Variants in TMEM266 observed in about 807,000 individuals in gnomAD.
TMEM266 encodes the protein Hv1 related protein 1.
A neutral mutation model predicts 50.5 loss-of-function variants in TMEM266; 33 were observed. That is an observed-to-expected ratio of 0.65 (90% CI 0.50 to 0.87). The LOEUF (loss-of-function observed/expected upper bound fraction) is 0.87, where lower values mean the gene tolerates loss of function less well. Among genes scored for constraint, TMEM266 ranks in the 40% least tolerant of loss-of-function variants. The pLI is 0.00. For missense variants in TMEM266, 655 were observed against 695.1 expected, an observed-to-expected ratio of 0.94 and a Z score of 0.65; for synonymous variants, 310 against 292.3, an observed-to-expected ratio of 1.06 and a Z score of -0.62.
chr15:76,155,262 C>A (rs1372788629), intron 3 of TMEM266, among the ~76,000 whole-genome samples: 1 of 152,196 alleles, frequency 6.6e-6, no homozygotes, highest in Non-Finnish European at 1.5e-5. Context: ...GGGAGGCAGG[C>A]AGGTCCTGTT....
chr15:76,142,821 A>C (rs1051700603), intron 3 of TMEM266, among the ~76,000 whole-genome samples: 3 of 151,788 alleles, frequency 2.0e-5, no homozygotes, highest in East Asian at 3.9e-4. Context: ...TCCTCTCTTC[A>C]CCTCTGCACT....
intron 4 of TMEM266, among the ~76,000 whole-genome samples, chr15:76,157,520 T>G (rs1333690074): frequency 6.6e-6 from 1 of 152,218 alleles, no homozygotes; most frequent in Non-Finnish European, 1.5e-5. Context: ...CATGGCTGTC[T>G]GAGTGGAGAA....
chr15:76,174,846 C>T (rs11854285), intron 7 of TMEM266: 19,890 of 152,224 alleles, frequency 0.13, 1,686 homozygotes, highest in African/African-American at 0.24. Context: ...TGGCTGGTGG[C>T]GGGACTGCAC....
At chr15:76,090,645 T>C (rs2036836255) in intron 1 of TMEM266, among the ~76,000 whole-genome samples, 1 of 152,136 alleles carries the variant, frequency 6.6e-6, no homozygotes, top group Non-Finnish European at 1.5e-5. Context: ...TTATCAACAG[T>C]GTCAAATTCT....
chr15:76,106,283 C>T (rs189124116), intron 1 of TMEM266, among the ~76,000 whole-genome samples: 6 of 152,338 alleles, frequency 3.9e-5, no homozygotes, highest in Non-Finnish European at 7.3e-5. Context: ...TCTCCCTACC[C>T]GTGTCATATT....
At chr15:76,061,604 A>G (rs1324419158) in intron 1 of TMEM266, among the ~76,000 whole-genome samples, 1 of 152,234 alleles carries the variant, frequency 6.6e-6, no homozygotes, top group Non-Finnish European at 1.5e-5. Flanking sequence ...GCTTTCCAGT[A>G]AGAAAAGCAG....
At chr15:76,117,758 G>A (rs1013747695) in intron 1 of TMEM266, among the ~76,000 whole-genome samples, 4 of 152,190 alleles carry the variant, frequency 2.6e-5, no homozygotes, top group African/African-American at 9.7e-5. Context: ...GTCAGCAGAA[G>A]GAGAGGAGAC....
intron 1 of TMEM266, among the ~76,000 whole-genome samples, chr15:76,082,078 A>G (rs911464062): frequency 6.6e-6 from 1 of 152,148 alleles, no homozygotes; most frequent in Admixed American, 6.5e-5. Flanking sequence ...TGTTGGCTGT[A>G]TTGCATCAAC....
At chr15:76,127,698 C>T (rs1437957059) in intron 1 of TMEM266, among the ~76,000 whole-genome samples, 1 of 152,144 alleles carries the variant, frequency 6.6e-6, no homozygotes, top group East Asian at 1.9e-4. Flanking sequence ...AACTGATACA[C>T]CCTATCTCTG....
At chr15:76,166,128 G>A (rs574387212) in intron 5 of TMEM266, among the ~76,000 whole-genome samples, 1 of 152,274 alleles carries the variant, frequency 6.6e-6, no homozygotes, top group African/African-American at 2.4e-5. Flanking sequence ...TTTCGGAGGT[G>A]TTAAGACTAT....
At chr15:76,189,378 A>G (rs193006573) in intron 8 of TMEM266, among the ~76,000 whole-genome samples, 3,073 of 151,596 alleles carry the variant, frequency 0.02, 96 homozygotes, top group African/African-American at 0.071. Context: ...GGAAGGAAGG[A>G]AGGAAAGAAG....
chr15:76,070,329 T>C (rs1205979831), intron 1 of TMEM266, among the ~76,000 whole-genome samples: 3 of 152,240 alleles, frequency 2.0e-5, no homozygotes, highest in African/African-American at 7.2e-5. Context: ...TGCCTTCATA[T>C]TGGAGAAGGG....
chr15:76,132,813 A>AATC (rs748559421), intron 1 of TMEM266, among the ~76,000 whole-genome samples: 1 of 135,024 alleles, frequency 7.4e-6, no homozygotes, highest in Non-Finnish European at 1.6e-5. Flanking sequence ...TAATAATAGT[A>AATC]ATTATTATTA....
intron 5 of TMEM266, among the ~76,000 whole-genome samples, chr15:76,162,957 A>G (rs933553738): frequency 2.0e-5 from 3 of 152,188 alleles, no homozygotes; most frequent in Non-Finnish European, 4.4e-5. Flanking sequence ...CTCCACAGGA[A>G]ATTCCAAGAA....
At chr15:76,145,808 A>C (rs1474118375) in intron 3 of TMEM266, among the ~76,000 whole-genome samples, 1 of 152,216 alleles carries the variant, frequency 6.6e-6, no homozygotes, top group African/African-American at 2.4e-5. Flanking sequence ...TGATGCTTTC[A>C]TTCCAATGCA....
intron 3 of TMEM266, among the ~76,000 whole-genome samples, chr15:76,154,620 C>T (rs1048561731): frequency 3.9e-5 from 6 of 152,174 alleles, no homozygotes; most frequent in Non-Finnish European, 5.9e-5. Flanking sequence ...CCCCATCCAA[C>T]AAGGCCTCTT....
intron 10 of TMEM266, 35 bp from the exon 11 acceptor site, chr15:76,203,706 T>G: frequency 6.3e-7 from 1 of 1,585,020 alleles, no homozygotes; most frequent in Non-Finnish European, 8.6e-7. Flanking sequence ...GTGGCAGAGG[T>G]TGAAGTGTGA....
At chr15:76,086,812 G>C (rs1240653123) in intron 1 of TMEM266, among the ~76,000 whole-genome samples, 1 of 151,812 alleles carries the variant, frequency 6.6e-6, no homozygotes, top group Non-Finnish European at 1.5e-5. Context: ...AAGTTACAAA[G>C]TTATACTCCT....
intron 1 of TMEM266, among the ~76,000 whole-genome samples, chr15:76,080,586 A>G (rs1240140153): frequency 6.6e-6 from 1 of 151,496 alleles, no homozygotes; most frequent in Non-Finnish European, 1.5e-5. Flanking sequence ...CTACCTGCCC[A>G]TTGAGCCCTC....
Sources: allele counts gnomAD v4.1 joint callset (sites outside exome capture counted in the v4.1 genomes callset), GRCh38; gene constraint gnomAD v4.1.1; transcripts MANE v1.5; gene names NCBI Gene and HGNC (gene_info 2026-07-23, HGNC 2026-07-21).